The following PI4K2A variants were observed in gnomAD, a reference collection of about 807,000 sequenced individuals.
PI4K2A encodes phosphatidylinositol 4-kinase type 2-alpha.
A neutral mutation model predicts 55.0 loss-of-function variants in PI4K2A; 20 were observed. The observed-to-expected ratio is 0.36, with a 90% CI of 0.26 to 0.53. The LOEUF is 0.53. Ranked by LOEUF, PI4K2A falls within the 20% of genes least tolerant of loss-of-function variation. The pLI is 0.91. For missense variants in PI4K2A, 463 were observed against 637.1 expected (o/e 0.73, Z 2.94); for synonymous variants, 235 against 258.5 (o/e 0.91, Z 0.87).
At chr10:97,642,876 TCTTTCTTTCTTCCTTCCTTC>T (rs2041483111) in intron 1 of PI4K2A, among the ~76,000 whole-genome samples, 1 of 123,346 alleles carries the variant, frequency 8.1e-6, no homozygotes, top group Non-Finnish European at 1.7e-5. Context: ...TTTCTTTCTT[TCTTTCTTTCTTCCTTCCTTC>T]CTTCCTTCCT....
chr10:97,672,319 A>T (rs770475453), intron 8 of PI4K2A, among the ~76,000 whole-genome samples: 8 of 152,050 alleles, frequency 5.3e-5, no homozygotes, highest in Non-Finnish European at 1.2e-4. Flanking sequence ...GGGATTACAG[A>T]CATGAGCCAC....
chr10:97,662,865 T>C, intron 4 of PI4K2A, 42 bp from the exon 5 acceptor site: 1 of 1,369,446 alleles, frequency 7.3e-7, no homozygotes, highest in Non-Finnish European at 1.0e-6. Context: ...AAATGGAAAA[T>C]CATCCCCCCT....
At chr10:97,644,518 C>T (rs956027221) in intron 1 of PI4K2A, among the ~76,000 whole-genome samples, 3 of 152,158 alleles carry the variant, frequency 2.0e-5, no homozygotes, top group African/African-American at 7.2e-5. Context: ...CTCAGGCATG[C>T]TCAGGGCTGG....
intron 5 of PI4K2A, among the ~76,000 whole-genome samples, chr10:97,663,516 CTT>C (rs34921397): frequency 9.2e-5 from 13 of 141,712 alleles, no homozygotes; most frequent in Admixed American, 4.3e-4. Flanking sequence ...TCTTTTCTTT[CTT>C]TTTTTTTTTT....
At chr10:97,651,806 G>A (rs2041531272) in intron 2 of PI4K2A, among the ~76,000 whole-genome samples, 1 of 142,808 alleles carries the variant, frequency 7.0e-6, no homozygotes, top group Non-Finnish European at 1.5e-5. Context: ...AGAATTGATT[G>A]CATACAATTT....
At chr10:97,642,834 C>CTTT (rs2041479164) in intron 1 of PI4K2A, among the ~76,000 whole-genome samples, 2 of 3,298 alleles carry the variant, frequency 6.1e-4, no homozygotes, top group African/African-American at 1.3e-3. Context: ...TTCCTTCCTT[C>CTTT]CTTCCTTCCT....
intron 8 of PI4K2A, 143 bp downstream of exon 8, chr10:97,667,263 G>A: frequency 1.6e-6 from 1 of 608,970 alleles, no homozygotes; most frequent in Non-Finnish European, 3.0e-6. Context: ...AGGCTAAAGT[G>A]CAGTGGCATG....
intron 1 of PI4K2A, among the ~76,000 whole-genome samples, chr10:97,645,415 T>C (rs2041500178): frequency 6.6e-6 from 1 of 152,014 alleles, no homozygotes; most frequent in Non-Finnish European, 1.5e-5. Context: ...GAGACCATCC[T>C]GGTTAACATG....
chr10:97,673,559 C>T (rs1478897874), intron 8 of PI4K2A, 22 bp from the exon 9 acceptor site: 6 of 1,611,994 alleles, frequency 3.7e-6, no homozygotes, highest in Non-Finnish European at 5.1e-6. Flanking sequence ...CTCCCTCACC[C>T]ATCTCCTTTT....
intron 5 of PI4K2A, 42 bp from the exon 6 acceptor site, chr10:97,664,843 G>T (rs373952152): frequency 1.9e-5 from 25 of 1,342,276 alleles, no homozygotes; most frequent in Non-Finnish European, 2.6e-5. Context: ...GGGCCTGAGG[G>T]AGATGGGTTT....
intron 7 of PI4K2A, 145 bp from the exon 8 acceptor site, chr10:97,666,916 G>A: frequency 1.5e-6 from 1 of 671,290 alleles, no homozygotes; most frequent in Non-Finnish European, 2.7e-6. Context: ...GTAAAGCAGG[G>A]AGTTCTTGTG....
chr10:97,651,724 C>T (rs2041530815), intron 2 of PI4K2A, among the ~76,000 whole-genome samples: 1 of 152,184 alleles, frequency 6.6e-6, no homozygotes, highest in Non-Finnish European at 1.5e-5. Context: ...TGGATTCATA[C>T]ACATCTTGTA....
At chr10:97,653,081 T>C (rs2041537175) in intron 2 of PI4K2A, among the ~76,000 whole-genome samples, 1 of 152,232 alleles carries the variant, frequency 6.6e-6, no homozygotes, top group African/African-American at 2.4e-5. Context: ...TGATAATTAA[T>C]GTTCTTAAGT....
intron 4 of PI4K2A, among the ~76,000 whole-genome samples, chr10:97,661,199 G>A (rs1347090428): frequency 6.6e-6 from 1 of 151,936 alleles, no homozygotes; most frequent in Non-Finnish European, 1.5e-5. Context: ...CACCGTGTTA[G>A]CCAGGATGGT....
At chr10:97,649,609 ATTTTTTTTTTTTTTTTTTTT>A (rs60329004) in intron 1 of PI4K2A, among the ~76,000 whole-genome samples, 1 of 70,500 alleles carries the variant, frequency 1.4e-5, no homozygotes, top group Non-Finnish European at 3.1e-5. Context: ...TCCATAATAG[ATTTTTTTTTTTTTTTTTTTT>A]TTTTTTTTTT....
chr10:97,660,851 T>C (rs2041579051), intron 4 of PI4K2A, among the ~76,000 whole-genome samples: 1 of 151,942 alleles, frequency 6.6e-6, no homozygotes, highest in Non-Finnish European at 1.5e-5. Flanking sequence ...GAGAGACTGG[T>C]ATAATAAACC....
intron 2 of PI4K2A, among the ~76,000 whole-genome samples, chr10:97,653,415 C>T (rs1428810376): frequency 2.0e-5 from 3 of 152,326 alleles, no homozygotes; most frequent in South Asian, 2.1e-4. Flanking sequence ...TTACACAAGA[C>T]AGCCTATATG....
chr10:97,665,549 C>T (rs2041605614), intron 6 of PI4K2A, among the ~76,000 whole-genome samples: 1 of 152,136 alleles, frequency 6.6e-6, no homozygotes, highest in African/African-American at 2.4e-5. Flanking sequence ...GCTGGGATTA[C>T]AGGTGTGAGC....
intron 8 of PI4K2A, among the ~76,000 whole-genome samples, chr10:97,671,759 C>T (rs2041636660): frequency 6.6e-6 from 1 of 152,148 alleles, no homozygotes; most frequent in Non-Finnish European, 1.5e-5. Flanking sequence ...CCCTCCTCAG[C>T]CTCCCCAGTA....
Sources: allele counts gnomAD v4.1 joint callset (sites outside exome capture counted in the v4.1 genomes callset), GRCh38; gene constraint gnomAD v4.1.1; transcripts MANE v1.5; gene names NCBI Gene and HGNC (gene_info 2026-07-23, HGNC 2026-07-21).